Variants in HDAC9 observed in about 807,000 individuals in gnomAD.
HDAC9 encodes the protein MEF-2 interacting transcription repressor (MITR) protein.
HDAC9 carries 41 observed loss-of-function variants against 139.4 expected under a neutral mutation model. The ratio of observed to expected loss-of-function variants is 0.29; its 90% CI spans 0.23 to 0.38. The LOEUF (loss-of-function observed/expected upper bound fraction) is 0.38. HDAC9 is among the 10% of genes least tolerant of loss of function. HDAC9 has a pLI of 1.00. For missense variants in HDAC9, 1,147 were observed against 1,297.0 expected, an observed-to-expected ratio of 0.88 and a Z score of 1.78; for synonymous variants, 517 against 476.2, an observed-to-expected ratio of 1.09 and a Z score of -1.12.
intron 2 of HDAC9, among the ~76,000 whole-genome samples, chr7:18,189,269 C>T (rs1429761779): frequency 2.0e-5 from 3 of 151,498 alleles, no homozygotes; most frequent in Admixed American, 2.0e-4. Flanking sequence ...CGCATGTTCT[C>T]ACTCGTAAGC....
At chr7:18,642,599 A>G (rs916014795) in intron 8 of HDAC9, among the ~76,000 whole-genome samples, 3 of 152,014 alleles carry the variant, frequency 2.0e-5, no homozygotes, top group Admixed American at 6.6e-5. Context: ...CCAGGACACC[A>G]TGGTAGGTGC....
chr7:18,594,113 A>G, intron 6 of HDAC9, 84 bp downstream of exon 6: 1 of 1,471,396 alleles, frequency 6.8e-7, no homozygotes, highest in Non-Finnish European at 9.4e-7. Flanking sequence ...GAAGAAAGTC[A>G]AAGGATTTGA....
chr7:18,802,393 C>A (rs993828935), intron 17 of HDAC9, among the ~76,000 whole-genome samples: 241 of 151,914 alleles, frequency 1.6e-3, no homozygotes, highest in Non-Finnish European at 2.1e-3. Context: ...ATACTAGTTC[C>A]TGGAAGTTTA....
chr7:18,286,083 AT>A (rs150865987), upstream of HDAC9, among the ~76,000 whole-genome samples: 3,431 of 152,182 alleles, frequency 0.023, 129 homozygotes, highest in African/African-American at 0.078. Context: ...GAAAGGAAAG[AT>A]TTAGTTCACA....
chr7:18,490,702 G>A (rs1796301045), intron 1 of HDAC9, among the ~76,000 whole-genome samples: 1 of 152,014 alleles, frequency 6.6e-6, no homozygotes, highest in East Asian at 1.9e-4. Flanking sequence ...TTAGTACACT[G>A]TACTTTCCCC....
chr7:18,667,810 CT>C, intron 12 of HDAC9: 1 of 984,784 alleles, frequency 1.0e-6, no homozygotes, highest in Non-Finnish European at 1.2e-6. Flanking sequence ...GTTACGGAAG[CT>C]TTTCACTGGA....
chr7:18,327,041 A>C (rs1385171322), intron 1 of HDAC9, among the ~76,000 whole-genome samples: 1 of 151,950 alleles, frequency 6.6e-6, no homozygotes, highest in Admixed American at 6.6e-5. Context: ...CTGATGACCC[A>C]TTAATGTCCA....
At chr7:18,519,782 TTTA>T (rs1301875028) in intron 2 of HDAC9, among the ~76,000 whole-genome samples, 14 of 152,254 alleles carry the variant, frequency 9.2e-5, no homozygotes, top group African/African-American at 3.1e-4. Flanking sequence ...TTCACAATAA[TTTA>T]TGTACCAGGA....
intron 12 of HDAC9, among the ~76,000 whole-genome samples, chr7:18,673,270 G>A (rs1219309444): frequency 6.6e-6 from 1 of 151,840 alleles, no homozygotes; most frequent in African/African-American, 2.4e-5. Flanking sequence ...CAAAACAACA[G>A]CATGTCTTTA....
At chr7:18,919,975 T>C (rs1000699003) in intron 22 of HDAC9, among the ~76,000 whole-genome samples, 9 of 152,120 alleles carry the variant, frequency 5.9e-5, no homozygotes, top group Admixed American at 4.6e-4. Flanking sequence ...GACTTGGCAA[T>C]GCGGGCTCTT....
At chr7:18,931,695 G>A (rs1221530593) in intron 22 of HDAC9, among the ~76,000 whole-genome samples, 1 of 152,126 alleles carries the variant, frequency 6.6e-6, no homozygotes, top group African/African-American at 2.4e-5. Flanking sequence ...CAAAATAGAA[G>A]CAACCTAATT....
intron 21 of HDAC9, among the ~76,000 whole-genome samples, chr7:18,873,323 A>G (rs1799073005): frequency 6.6e-6 from 1 of 152,196 alleles, no homozygotes; most frequent in Admixed American, 6.5e-5. Context: ...TGTGGAAGTC[A>G]CTTACATGTG....
chr7:18,908,231 G>T (rs1241420677), intron 22 of HDAC9, among the ~76,000 whole-genome samples: 2 of 151,560 alleles, frequency 1.3e-5, no homozygotes, highest in Non-Finnish European at 2.9e-5. Flanking sequence ...TTTATTCTTT[G>T]TACTCTTTAA....
chr7:18,338,548 T>G (rs891203477), intron 1 of HDAC9, among the ~76,000 whole-genome samples: 1 of 151,682 alleles, frequency 6.6e-6, no homozygotes. Flanking sequence ...CTACTTCTAC[T>G]GAAAAGTCAT....
intron 22 of HDAC9, among the ~76,000 whole-genome samples, chr7:18,887,245 C>T (rs540738622): frequency 9.9e-5 from 15 of 152,214 alleles, no homozygotes; most frequent in South Asian, 2.1e-4. Flanking sequence ...TGCTGGGTTC[C>T]GCTTCCAGAA....
intron 16 of HDAC9, among the ~76,000 whole-genome samples, chr7:18,780,658 G>A (rs1791172684): frequency 2.0e-5 from 3 of 152,136 alleles, no homozygotes; most frequent in Admixed American, 6.6e-5. Flanking sequence ...GCCCAAACAG[G>A]GGTGGTGTTT....
At chr7:18,987,252 A>G (rs552892692) in intron 25 of HDAC9, among the ~76,000 whole-genome samples, 1 of 152,208 alleles carries the variant, frequency 6.6e-6, no homozygotes, top group African/African-American at 2.4e-5. Flanking sequence ...ATCAATACCT[A>G]ATTTATTGGG....
intron 2 of HDAC9, among the ~76,000 whole-genome samples, chr7:18,250,853 T>G (rs1164470124): frequency 4.6e-5 from 7 of 152,202 alleles, no homozygotes; most frequent in Non-Finnish European, 1.0e-4. Context: ...TGGTTTTGAT[T>G]TGCATTTCTC....
At chr7:18,280,200 C>T (rs899572171) in intron 2 of HDAC9, among the ~76,000 whole-genome samples, 11 of 152,082 alleles carry the variant, frequency 7.2e-5, no homozygotes, top group African/African-American at 2.4e-4. Context: ...CCATGTAATC[C>T]GAGCAGTTTG....
Sources: allele counts gnomAD v4.1 joint callset (sites outside exome capture counted in the v4.1 genomes callset), GRCh38; gene constraint gnomAD v4.1.1; transcripts MANE v1.5; gene names NCBI Gene and HGNC (gene_info 2026-07-23, HGNC 2026-07-21).